MYO1E: variants seen among roughly 807,000 people sequenced by gnomAD.
MYO1E encodes unconventional myosin-Ie.
In MYO1E, 68 loss-of-function variants were observed where a neutral mutation model predicts 151.1. The ratio of observed to expected loss-of-function variants is 0.45; its 90% CI spans 0.37 to 0.55. The LOEUF (loss-of-function observed/expected upper bound fraction) is 0.55, where lower values mean the gene tolerates loss of function less well. Among genes scored for constraint, MYO1E ranks in the 20% least tolerant of loss-of-function variants. The pLI, the probability that MYO1E is intolerant of heterozygous loss-of-function variation, is 0.00. For missense variants in MYO1E, 1,363 were observed against 1,389.3 expected, an observed-to-expected ratio of 0.98 and a Z score of 0.30; for synonymous variants, 601 against 501.7, an observed-to-expected ratio of 1.20 and a Z score of -2.64.
chr15:59,265,976 T>G (rs1306416328), intron 2 of MYO1E, among the ~76,000 whole-genome samples: 1 of 150,658 alleles, frequency 6.6e-6, no homozygotes, highest in African/African-American at 2.4e-5. Flanking sequence ...ATAAAAAATT[T>G]AAAAAAAAGT....
At chr15:59,285,564 A>T (rs1387941489) in intron 1 of MYO1E, among the ~76,000 whole-genome samples, 1 of 151,726 alleles carries the variant, frequency 6.6e-6, no homozygotes, top group African/African-American at 2.4e-5. Flanking sequence ...AGAACTCCTG[A>T]TCTTGAACTC....
intron 1 of MYO1E, among the ~76,000 whole-genome samples, chr15:59,348,346 G>GT (rs2080805805): frequency 6.6e-6 from 1 of 152,174 alleles, no homozygotes; most frequent in African/African-American, 2.4e-5. Flanking sequence ...TACATGGTGT[G>GT]TTGCAGCATG....
chr15:59,173,825 G>C lies in MYO1E; in HGVS notation c.2255C>G (p.Pro752Arg). 6.2e-7 allele frequency: 1 copy of C among 1,614,012 alleles called. No homozygotes were observed. The highest frequency in any genetic ancestry group is 8.5e-7 in the Non-Finnish European group (1 of 1,179,964). ...CTTGCCCACGAACTGCTGGAGTTCTGGGTGCTCTTCCATCCCAATATAATC... is the reference window on the plus strand; with the variant it reads ...CTTGCCCACGAACTGCTGGAGTTCTCGGTGCTCTTCCATCCCAATATAATC... ...IGDYIGMEEH[P>R]ELQQFVGKRE... The change falls in exon 21 of 28, where the codon CCA (proline) becomes CGA (arginine). Residue 752 changes from proline to arginine, a missense_variant. Physicochemically the swap from Pro to Arg is moderately radical, Grantham distance 103. Coordinates refer to ENST00000288235, the MANE Select transcript of MYO1E (RefSeq NM_004998.4).
chr15:59,215,312 G>C (rs188092021), intron 10 of MYO1E, among the ~76,000 whole-genome samples: 2 of 152,282 alleles, frequency 1.3e-5, no homozygotes, highest in Admixed American at 1.3e-4. Flanking sequence ...CTCTCAATGT[G>C]TTGTTTCACT....
chr15:59,372,398 C>G, intron 1 of MYO1E, 100 bp downstream of exon 1: 1 of 1,440,166 alleles, frequency 6.9e-7, no homozygotes. Context: ...ACCTTCTCCA[C>G]CCCTGGCCCC....
chr15:59,278,543 A>C lies in MYO1E; in HGVS notation c.4-6094T>G, dbSNP rs568004907. Among the ~76,000 whole-genome samples the C allele has an allele frequency of 9.8e-5, 15 of 152,328 alleles. No homozygotes were observed. The South Asian group carries it at 2.9e-3, about 29-fold the overall frequency. On this transcript the variant is annotated intron_variant, in intron 1 of 27. Transcript: ENST00000288235. ...AAATATTTGTCTGTCTGCTACATAC[A>C]AGGCACTGGGCTTGCAAACTGGTCT...
At chr15:59,349,576 C>T (rs1451971689) in intron 1 of MYO1E, among the ~76,000 whole-genome samples, 1 of 152,118 alleles carries the variant, frequency 6.6e-6, no homozygotes, top group African/African-American at 2.4e-5. Context: ...TTCAAATAAG[C>T]AAACTATCCT....
intron 1 of MYO1E, among the ~76,000 whole-genome samples, chr15:59,279,957 C>A (rs939529864): frequency 6.6e-6 from 1 of 152,084 alleles, no homozygotes; most frequent in African/African-American, 2.4e-5. Context: ...TATACACACA[C>A]AGAGCTGTTT....
chr15:59,372,604 A>G lies in MYO1E; in HGVS notation c.-104T>C. 7.1e-7 allele frequency: 1 copy of G among 1,413,576 alleles called. No homozygotes were observed. Among genetic ancestry groups the G allele is most frequent in the Middle Eastern group, 2.0e-4 (1 of 5,020 alleles). 87.6% of individuals were successfully genotyped at this position (1,413,576 alleles called of 1,614,324 possible). A position where few individuals can be genotyped will look rare whatever the true frequency, so the allele number is the denominator to read the frequency against. On this transcript the variant is annotated 5_prime_UTR_variant, in exon 1 of 28. Transcript: ENST00000288235. ...ACTTCAAAAGTTGGTTCCCCTCGCC[A>G]AAAACAGGCTCCCGACACCCAAGCA...
At chr15:59,279,252 T>A (rs1464233323) in intron 1 of MYO1E, among the ~76,000 whole-genome samples, 3 of 152,142 alleles carry the variant, frequency 2.0e-5, no homozygotes, top group Non-Finnish European at 4.4e-5. Context: ...GTGGGTCCAG[T>A]GATCTCTTAG....
At chr15:59,236,352 G>GGAA (rs2080063469) in intron 5 of MYO1E, among the ~76,000 whole-genome samples, 2 of 116,716 alleles carry the variant, frequency 1.7e-5, no homozygotes, top group Admixed American at 9.3e-5. Flanking sequence ...TCTCAAAAAA[G>GGAA]AAAAAAAAAA....
intron 17 of MYO1E, among the ~76,000 whole-genome samples, chr15:59,190,980 G>A (rs1168101950): frequency 2.0e-5 from 3 of 152,092 alleles, no homozygotes; most frequent in African/African-American, 7.2e-5. Context: ...CCAGTGGCAG[G>A]GTGCTGTGGG....
chr15:59,363,546 T>C (rs2080897425), intron 1 of MYO1E, among the ~76,000 whole-genome samples: 1 of 152,196 alleles, frequency 6.6e-6, no homozygotes, highest in African/African-American at 2.4e-5. Flanking sequence ...TTAGAAATAA[T>C]TTATTGAACC....
At chr15:59,169,699 G>C (rs767511196) in intron 22 of MYO1E, among the ~76,000 whole-genome samples, 2 of 152,082 alleles carry the variant, frequency 1.3e-5, no homozygotes, top group Non-Finnish European at 2.9e-5. Flanking sequence ...AAAGAAGCTG[G>C]TGCTCCCATG....
intron 5 of MYO1E, among the ~76,000 whole-genome samples, chr15:59,235,864 G>C (rs1017143986): frequency 1.1e-4 from 16 of 152,118 alleles, no homozygotes; most frequent in Non-Finnish European, 2.2e-4. Context: ...TGGCCAATCT[G>C]ATAGGCAAAA....
At position 59,136,873 on chromosome 15, in the gene MYO1E, G is replaced by T. The variant is rs1312913133; in HGVS notation, c.*507C>A. ...CCAGCTTACCCTTGGCACGTACATG[G>T]GAAGTGCCTGCTCACGCTAAGCCCA... On this transcript the variant is annotated 3_prime_UTR_variant, in exon 28 of 28. Coordinates refer to ENST00000288235, the MANE Select transcript of MYO1E (RefSeq NM_004998.4). 4.8e-6 allele frequency: 2 copies of T among 420,922 alleles called. No homozygotes were observed. The highest frequency in any genetic ancestry group is 9.6e-6 in the Non-Finnish European group (2 of 208,714). 26.1% of individuals were successfully genotyped at this position (420,922 alleles called of 1,614,324 possible).
intron 12 of MYO1E, chr15:59,212,802 C>T (rs2079887514): frequency 6.6e-6 from 1 of 152,140 alleles, no homozygotes; most frequent in Non-Finnish European, 1.5e-5. Flanking sequence ...ATGGTGTCTT[C>T]ATGAAAGAGA....
chr15:59,245,712 A>G (rs1459488425), intron 4 of MYO1E, among the ~76,000 whole-genome samples: 1 of 152,224 alleles, frequency 6.6e-6, no homozygotes, highest in Admixed American at 6.5e-5. Context: ...ATTTAGGCCA[A>G]AAGTGATAAG....
At chr15:59,329,700 A>G (rs948786394) in intron 1 of MYO1E, among the ~76,000 whole-genome samples, 33 of 152,188 alleles carry the variant, frequency 2.2e-4, no homozygotes, top group African/African-American at 7.7e-4. Flanking sequence ...AACTTCCTGA[A>G]TAACCACCAC....
Sources: allele counts gnomAD v4.1 joint callset (sites outside exome capture counted in the v4.1 genomes callset), GRCh38; gene constraint gnomAD v4.1.1; transcripts MANE v1.5; gene names NCBI Gene and HGNC (gene_info 2026-07-23, HGNC 2026-07-21).